Variants in JUP observed in about 807,000 individuals in gnomAD.
The protein encoded by JUP is catenin (cadherin-associated protein), gamma 80kDa.
Under a neutral mutation model 71.1 loss-of-function variants are expected in JUP, and 28 were observed. The observed-to-expected ratio is 0.39, with a 90% CI of 0.29 to 0.54. The LOEUF is 0.54. Ranked by LOEUF, JUP falls within the 20% of genes least tolerant of loss-of-function variation. The pLI is 0.62. For synonymous variants in JUP, 401 were observed against 438.9 expected (o/e 0.91, Z 1.08); for missense variants, 869 against 1,030.1 (o/e 0.84, Z 2.14).
chr17:41,758,214 T>A, intron 10 of JUP, 185 bp downstream of exon 10: 1 of 618,670 alleles, frequency 1.6e-6, no homozygotes, highest in Non-Finnish European at 2.7e-6. Context: ...TTCCTTGCTT[T>A]GAAGCTTAGA....
At chr17:41,780,506 C>A (rs1423750275) in intron 1 of JUP, among the ~76,000 whole-genome samples, 2 of 150,664 alleles carry the variant, frequency 1.3e-5, no homozygotes, top group Non-Finnish European at 3.0e-5. Flanking sequence ...CCAGCCTGGC[C>A]AACATAGTGA....
rs1555597438 is a variant in JUP, at chr17:41,755,806, T to C, written c.2176A>G (p.Ile726Val). The C allele has an allele frequency of 1.2e-6, 2 of 1,613,006 alleles. No homozygotes were observed. The highest frequency in any genetic ancestry group is 1.3e-5 in the African/African-American group (1 of 74,994). The change falls in exon 14 of 14, where the codon ATC becomes GTC. Residue 726 changes from isoleucine to valine, a missense_variant. Physicochemically the swap from Ile to Val is conservative, Grantham distance 29 (BLOSUM62 3). Coordinates refer to ENST00000393931, the MANE Select transcript of JUP (RefSeq NM_002230.4). Reference protein sequence around the residue: ...MHMDMDGDYPIDTYSDGLRPP... With the variant: ...MHMDMDGDYPVDTYSDGLRPP... Reference sequence around the variant, plus strand: ...CTGAGGCCGTCGCTGTAGGTGTCGATGGGGTAGTCTCCATCCATGTCCATG... The same window carrying C: ...CTGAGGCCGTCGCTGTAGGTGTCGACGGGGTAGTCTCCATCCATGTCCATG...
chr17:41,768,156 T>C (rs868989714), intron 4 of JUP, among the ~76,000 whole-genome samples: 2 of 152,082 alleles, frequency 1.3e-5, no homozygotes, highest in Admixed American at 1.3e-4. Flanking sequence ...CCCAGCACTT[T>C]GGGAGGCCAA....
At chr17:41,765,954 T>C (rs142014486) in intron 5 of JUP, among the ~76,000 whole-genome samples, 93 of 152,300 alleles carry the variant, frequency 6.1e-4, no homozygotes, top group Non-Finnish European at 5.6e-4. Flanking sequence ...AGGTCTCCAC[T>C]TAATGAAATG....
chr17:41,761,753 CAAA>C (rs1180310607), intron 8 of JUP, among the ~76,000 whole-genome samples: 5 of 76,754 alleles, frequency 6.5e-5, no homozygotes, highest in Non-Finnish European at 5.4e-5. Flanking sequence ...AACTCCGTCT[CAAA>C]AAAAAAAAAA....
intron 2 of JUP, among the ~76,000 whole-genome samples, chr17:41,770,639 C>A (rs1351738553): frequency 1.3e-5 from 2 of 152,222 alleles, no homozygotes; most frequent in East Asian, 3.8e-4. Flanking sequence ...GCACCCACAG[C>A]CCACCCCCTG....
At chr17:41,784,193 A>G (rs982895910) in intron 1 of JUP, among the ~76,000 whole-genome samples, 1 of 152,082 alleles carries the variant, frequency 6.6e-6, no homozygotes, top group Non-Finnish European at 1.5e-5. Context: ...GATGGGAAAA[A>G]GGTTGGCAGC....
At chr17:41,773,845 G>A (rs931948588) in intron 1 of JUP, among the ~76,000 whole-genome samples, 1 of 152,234 alleles carries the variant, frequency 6.6e-6, no homozygotes, top group Non-Finnish European at 1.5e-5. Context: ...GCTGCCCCCA[G>A]GAGAGAAGGA....
At chr17:41,772,417 T>C (rs1167217129) in intron 1 of JUP, 2 of 219,484 alleles carry the variant, frequency 9.1e-6, no homozygotes, top group East Asian at 2.1e-4. Context: ...AGGATCTGGC[T>C]TTCCTACAGG....
At chr17:41,761,439 G>A (rs558198840) in intron 8 of JUP, among the ~76,000 whole-genome samples, 15 of 151,566 alleles carry the variant, frequency 9.9e-5, no homozygotes, top group Non-Finnish European at 2.2e-4. Flanking sequence ...CCACTCATTC[G>A]TGTGAGGACA....
chr17:41,762,957 T>G (rs1567809292), intron 8 of JUP, 26 bp downstream of exon 8: 1 of 1,605,416 alleles, frequency 6.2e-7, no homozygotes, highest in South Asian at 1.1e-5. Context: ...TGCAGGGAGC[T>G]CCTTCCCCTC....
chr17:41,763,448 C>T (rs897580226), intron 7 of JUP, 127 bp from the exon 8 acceptor site: 4 of 669,400 alleles, frequency 6.0e-6, no homozygotes, highest in African/African-American at 1.8e-5. Flanking sequence ...CGGGAACTTT[C>T]ATCCCTATGA....
intron 13 of JUP, 127 bp downstream of exon 13, chr17:41,756,048 A>G (rs1913670987): frequency 5.3e-6 from 7 of 1,315,438 alleles, no homozygotes; most frequent in Middle Eastern, 2.4e-4. Context: ...AGACTGGGGT[A>G]CATGTGGATG....
intron 1 of JUP, among the ~76,000 whole-genome samples, chr17:41,779,935 A>G (rs1453145549): frequency 2.0e-5 from 3 of 151,562 alleles, no homozygotes; most frequent in Non-Finnish European, 4.4e-5. Flanking sequence ...CTCAACCTTC[A>G]GAGCGGTTGG....
chr17:41,778,228 C>T (rs1299870001), intron 1 of JUP, among the ~76,000 whole-genome samples: 2 of 152,146 alleles, frequency 1.3e-5, no homozygotes, highest in East Asian at 3.9e-4. Flanking sequence ...TATTGTACAA[C>T]ACATGCTGGA....
In JUP at chr17:41,767,420, C is replaced by T. The variant is rs982161216; in HGVS notation, c.868G>A (p.Asp290Asn). The T allele has an allele frequency of 9.9e-6, 16 of 1,614,016 alleles. No homozygotes were observed. The highest frequency in any genetic ancestry group is 8.9e-5 in the East Asian group (4 of 44,888). Residue 290 changes from aspartate (D) to asparagine (N), a missense_variant, in exon 5 of 14, where the codon GAC (aspartate) becomes AAC (asparagine). Physicochemically the swap from Asp to Asn is conservative, Grantham distance 23. Transcript: ENST00000393931. ...NNPKFLAITT[D>N]CLQLLAYGNQ... ...CCGTAGGCCAGGAGCTGCAGGCAGT[C>T]GGTGGTGATGGCCAGGAACTTGGGG...
chr17:41,783,703 G>A (rs1424254272), intron 1 of JUP, among the ~76,000 whole-genome samples: 5 of 151,798 alleles, frequency 3.3e-5, no homozygotes, highest in South Asian at 2.1e-4. Flanking sequence ...GGCGAATCAC[G>A]AGGTCAGGAG....
intron 5 of JUP, 102 bp downstream of exon 5, chr17:41,767,277 T>G (rs1915883322): frequency 1.1e-6 from 1 of 890,648 alleles, no homozygotes; most frequent in Non-Finnish European, 1.8e-6. Context: ...TGCACCTATA[T>G]CTCATCTAAA....
In JUP at chr17:41,771,788, C is replaced by T; in HGVS notation, c.67G>A (p.Asp23Asn). The change falls in exon 2 of 14, where the codon GAC becomes AAC. Residue 23 changes from aspartate (D) to asparagine (N), a missense_variant. By Grantham distance (23) the Asp-to-Asn change is conservative. Coordinates refer to ENST00000393931, the MANE Select transcript of JUP (RefSeq NM_002230.4). ...TTGGCGCCCGAGTGGATACCCGAGTCGTAGGTGTATGTCTGCTGCCACTCA... is the reference window on the plus strand; with the variant it reads ...TTGGCGCCCGAGTGGATACCCGAGTTGTAGGTGTATGTCTGCTGCCACTCA... Reference protein sequence around the residue: ...VTEWQQTYTYDSGIHSGANTC... With the variant: ...VTEWQQTYTYNSGIHSGANTC... The T allele has an allele frequency of 3.1e-6, 5 of 1,613,894 alleles. No individual in the cohort carries two copies. The highest frequency in any genetic ancestry group is 4.2e-6 in the Non-Finnish European group (5 of 1,179,982).
Sources: gnomAD v4.1 joint callset for allele counts (sites outside exome capture counted in the v4.1 genomes callset) on GRCh38, gnomAD v4.1.1 for gene constraint, MANE v1.5 for transcripts, NCBI Gene and HGNC (gene_info 2026-07-23, HGNC 2026-07-21) for gene names.